The following CLYBL variants were observed in gnomAD, a reference collection of about 807,000 sequenced individuals.
CLYBL encodes the protein citramalyl-CoA lyase.
CLYBL carries 31 observed loss-of-function variants against 38.9 expected under a neutral mutation model. That is an observed-to-expected ratio of 0.80 (90% CI 0.60 to 1.08). CLYBL has a LOEUF of 1.08. CLYBL is among the 50% of genes least tolerant of loss of function. CLYBL has a pLI of 0.00. For synonymous variants in CLYBL, 171 were observed against 158.6 expected, an observed-to-expected ratio of 1.08 and a Z score of -0.59; for missense variants, 434 against 411.6, an observed-to-expected ratio of 1.05 and a Z score of -0.47.
At chr13:99,824,209 C>G (rs1047940950) in intron 2 of CLYBL, among the ~76,000 whole-genome samples, 1 of 151,810 alleles carries the variant, frequency 6.6e-6, no homozygotes, top group Non-Finnish European at 1.5e-5. Flanking sequence ...TATTTCTTCT[C>G]TTTTTGGTCT....
At chr13:99,899,232 T>C (rs1418954661), downstream of CLYBL, among the ~76,000 whole-genome samples, 1 of 152,192 alleles carries the variant, frequency 6.6e-6, no homozygotes. Flanking sequence ...CCCGCTGCCT[T>C]GCCCAAGACC....
At chr13:99,614,204 A>G (rs888030179) in intron 1 of CLYBL, among the ~76,000 whole-genome samples, 3 of 152,242 alleles carry the variant, frequency 2.0e-5, no homozygotes, top group African/African-American at 4.8e-5. Context: ...CCAGTGGTCC[A>G]AGATGGTAGA....
chr13:99,725,936 G>A (rs1352485475), intron 1 of CLYBL, among the ~76,000 whole-genome samples: 2 of 152,162 alleles, frequency 1.3e-5, no homozygotes, highest in African/African-American at 4.8e-5. Flanking sequence ...CCTAATTTAA[G>A]ATAGCTTTGG....
chr13:99,785,191 CTTTTTTTTTTTTTT>C lies in CLYBL; in HGVS notation c.249+12202_249+12215del, dbSNP rs58550861. Reference sequence around the variant, plus strand: ...TACAGACTTGAGCCACCCCGCCTGGCTTTTTTTTTTTTTTTTTTTTTTTTTTTTTTTTTTAAAGA... The same window carrying C: ...TACAGACTTGAGCCACCCCGCCTGGCTTTTTTTTTTTTTTTTTTTTAAAGA... On this transcript the variant is annotated intron_variant, in intron 2 of 8. Transcript: ENST00000339105. Among the ~76,000 whole-genome samples, 30 of 34,212 alleles carry C rather than the reference CTTTTTTTTTTTTTT, an allele frequency of 8.8e-4. 2 individuals carry two copies. Among genetic ancestry groups the C allele is most frequent in the Middle Eastern group, 0.025 (1 of 40 alleles). 22.4% of individuals were successfully genotyped at this position (34,212 alleles called of 152,430 possible).
rs538135354 is a variant in CLYBL at position 99,866,257 on chromosome 13, G to T, written c.652G>T (p.Glu218Ter). Residue 218 changes from glutamate (E) to a stop codon, truncating the protein, a stop_gained, in exon 6 of 9, where the codon GAA (glutamate) becomes TAA (stop). Transcript: ENST00000339105. LOFTEE classifies it high-confidence loss of function. ...RASIGATSSKETLDILYARQK... is the reference protein window; with the variant it reads ...RASIGATSSK ...ATTTTCAGGTGCAACAAGTAGTAAA[G>T]AAACCCTGGATATTCTCTACGCCCG... The T allele has an allele frequency of 2.7e-5, 44 of 1,613,716 alleles. No individual in the cohort carries two copies. The highest frequency in any genetic ancestry group is 3.7e-5 in the Non-Finnish European group (44 of 1,180,010).
intron 7 of CLYBL, among the ~76,000 whole-genome samples, chr13:99,871,332 GT>G (rs974585709): frequency 2.0e-5 from 3 of 152,098 alleles, no homozygotes; most frequent in African/African-American, 7.2e-5. Flanking sequence ...ATAGAAGTCT[GT>G]TTAGTTTTTC....
At chr13:99,844,455 A>T (rs1489020634) in intron 2 of CLYBL, among the ~76,000 whole-genome samples, 1 of 152,186 alleles carries the variant, frequency 6.6e-6, no homozygotes, top group Non-Finnish European at 1.5e-5. Flanking sequence ...GAACACATGT[A>T]TTTTGTCCCC....
At chr13:99,851,600 G>A (rs761958576) in intron 2 of CLYBL, among the ~76,000 whole-genome samples, 4 of 152,114 alleles carry the variant, frequency 2.6e-5, no homozygotes. Flanking sequence ...CATTAGTCAT[G>A]AGAGAAACAC....
chr13:99,660,623 G>A (rs2047395633), intron 1 of CLYBL, among the ~76,000 whole-genome samples: 1 of 152,040 alleles, frequency 6.6e-6, no homozygotes, highest in Non-Finnish European at 1.5e-5. Flanking sequence ...ACCCACCAAT[G>A]GCCACCAACA....
intron 2 of CLYBL, among the ~76,000 whole-genome samples, chr13:99,852,874 G>A (rs780538198): frequency 2.0e-5 from 3 of 152,028 alleles, no homozygotes; most frequent in South Asian, 4.1e-4. Context: ...CCATCCATTC[G>A]TCCCTCTCTC....
intron 2 of CLYBL, among the ~76,000 whole-genome samples, chr13:99,810,886 T>TC (rs2050328176): frequency 6.6e-6 from 1 of 152,174 alleles, no homozygotes; most frequent in African/African-American, 2.4e-5. Flanking sequence ...GGGTTCTTTT[T>TC]CTTAGAAGAC....
intron 1 of CLYBL, among the ~76,000 whole-genome samples, chr13:99,614,827 CCT>C (rs576744958): frequency 6.6e-6 from 1 of 152,148 alleles, no homozygotes; most frequent in Non-Finnish European, 1.5e-5. Flanking sequence ...TCCCTCCCTC[CCT>C]CTCTCTGTCC....
At chr13:99,609,786 T>C (rs1235915826) in intron 1 of CLYBL, among the ~76,000 whole-genome samples, 3 of 152,264 alleles carry the variant, frequency 2.0e-5, no homozygotes, top group African/African-American at 7.2e-5. Context: ...TCTGCCTGCC[T>C]CTGTCGCTCA....
At chr13:99,676,210 T>TCCGTCCG (rs2047645726) in intron 1 of CLYBL, among the ~76,000 whole-genome samples, 1 of 78,512 alleles carries the variant, frequency 1.3e-5, no homozygotes. Flanking sequence ...CCTTCCTTCC[T>TCCGTCCG]TCCTTCCTTC....
intron 1 of CLYBL, among the ~76,000 whole-genome samples, chr13:99,713,626 C>T (rs978512726): frequency 2.0e-5 from 3 of 152,058 alleles, no homozygotes; most frequent in Admixed American, 2.0e-4. Context: ...AGGCATGAGC[C>T]ACCATGTCTG....
chr13:99,858,834 CAA>C, intron 2 of CLYBL, 25 bp from the exon 3 acceptor site: 1 of 1,541,686 alleles, frequency 6.5e-7, no homozygotes, highest in Non-Finnish European at 8.8e-7. Context: ...TAAAAATAAA[CAA>C]TAAACTTTTT....
At chr13:99,711,228 G>A (rs1210828251) in intron 1 of CLYBL, among the ~76,000 whole-genome samples, 3 of 151,856 alleles carry the variant, frequency 2.0e-5, no homozygotes, top group Admixed American at 1.3e-4. Flanking sequence ...ACCATAAACT[G>A]GGTGTCTTAT....
intron 8 of CLYBL, 149 bp downstream of exon 8, chr13:99,891,586 T>TA (rs34151390): frequency 1.9e-6 from 1 of 536,736 alleles, no homozygotes. Context: ...GTTATTCCCC[T>TA]AAAAAAATGA....
chr13:99,660,486 A>G (rs568397560), intron 1 of CLYBL, among the ~76,000 whole-genome samples: 16 of 152,314 alleles, frequency 1.1e-4, no homozygotes, highest in African/African-American at 3.8e-4. Flanking sequence ...ATTGTGTTCA[A>G]TGCAGGGATG....
Sources: gnomAD v4.1 joint callset for allele counts (sites outside exome capture counted in the v4.1 genomes callset) on GRCh38, gnomAD v4.1.1 for gene constraint, MANE v1.5 for transcripts, NCBI Gene and HGNC (gene_info 2026-07-23, HGNC 2026-07-21) for gene names.